The following GPHN variants were observed in gnomAD, a reference collection of about 807,000 sequenced individuals.
GPHN encodes gephyrin.
GPHN carries 17 observed loss-of-function variants against 95.5 expected under a neutral mutation model. That is an observed-to-expected ratio of 0.18 (90% CI 0.12 to 0.27). GPHN has a LOEUF of 0.27. GPHN is among the 10% of genes least tolerant of loss of function. The probability of loss-of-function intolerance (pLI) is 1.00; values close to 1 mark genes in which losing one functional copy is unlikely to be tolerated. For missense variants in GPHN, 660 were observed against 978.1 expected (o/e 0.67, Z 4.34); for synonymous variants, 320 against 322.5 (o/e 0.99, Z 0.08).
intron 5 of GPHN, among the ~76,000 whole-genome samples, chr14:66,887,754 C>A (rs1217536412): frequency 1.3e-5 from 2 of 152,048 alleles, no homozygotes; most frequent in African/African-American, 4.8e-5. Context: ...TTTGAAGAGA[C>A]AAAGCAAGCA....
the GPHN span, among the ~76,000 whole-genome samples, chr14:67,200,734 C>T: frequency 6.6e-6 from 1 of 152,140 alleles, no homozygotes; most frequent in African/African-American, 2.4e-5. Context: ...TGTACTTTAC[C>T]TTATACATAC....
At chr14:67,257,855 T>C in the GPHN span, among the ~76,000 whole-genome samples, 1 of 152,160 alleles carries the variant, frequency 6.6e-6, no homozygotes, top group Non-Finnish European at 1.5e-5. Flanking sequence ...CACATAATTT[T>C]GTGTTACACA....
chr14:66,951,184 C>G (rs1327106597), intron 8 of GPHN, among the ~76,000 whole-genome samples: 1 of 151,998 alleles, frequency 6.6e-6, no homozygotes, highest in Non-Finnish European at 1.5e-5. Context: ...CCTCGGCCTC[C>G]CAAAGTACAG....
At chr14:67,568,572 T>C in the GPHN span, among the ~76,000 whole-genome samples, 1 of 151,954 alleles carries the variant, frequency 6.6e-6, no homozygotes, top group African/African-American at 2.4e-5. Flanking sequence ...AACCTGCACA[T>C]CTTGCATACG....
chr14:67,556,113 A>G, the GPHN span, among the ~76,000 whole-genome samples: 1 of 152,206 alleles, frequency 6.6e-6, no homozygotes, highest in Non-Finnish European at 1.5e-5. Flanking sequence ...TGTGGTAACA[A>G]ATTAAGTCTG....
At chr14:67,657,303 G>C in the GPHN span, 1 of 152,096 alleles carries the variant, frequency 6.6e-6, no homozygotes, top group Non-Finnish European at 1.5e-5. Context: ...TTACCCTCTT[G>C]GTGAGCCCCA....
chr14:67,446,620 C>A, the GPHN span, among the ~76,000 whole-genome samples: 1 of 152,196 alleles, frequency 6.6e-6, no homozygotes, highest in Non-Finnish European at 1.5e-5. Context: ...CACCACCTAC[C>A]CTTCTGATGA....
At chr14:67,406,787 A>T in the GPHN span, among the ~76,000 whole-genome samples, 52 of 152,302 alleles carry the variant, frequency 3.4e-4, no homozygotes, top group Non-Finnish European at 7.2e-4. Flanking sequence ...AAACCACACC[A>T]TGCACAGAGG....
At chr14:67,323,959 A>G in the GPHN span, 4 of 538,250 alleles carry the variant, frequency 7.4e-6, no homozygotes, top group South Asian at 5.3e-5. Flanking sequence ...AAAAATTGCC[A>G]TGGTTGCCAC....
chr14:67,501,148 C>T, the GPHN span, among the ~76,000 whole-genome samples: 1 of 151,700 alleles, frequency 6.6e-6, no homozygotes, highest in Non-Finnish European at 1.5e-5. Context: ...GGCAACAGGT[C>T]CCAACTAGCT....
intron 11 of GPHN, among the ~76,000 whole-genome samples, chr14:67,086,937 C>A (rs2076920408): frequency 6.7e-6 from 1 of 148,622 alleles, no homozygotes; most frequent in African/African-American, 2.5e-5. Context: ...ACTCGGGAGG[C>A]TGAGGCAGGA....
At chr14:66,664,445 A>G (rs1255229488) in intron 1 of GPHN, among the ~76,000 whole-genome samples, 2 of 152,238 alleles carry the variant, frequency 1.3e-5, no homozygotes, top group Non-Finnish European at 2.9e-5. Flanking sequence ...AAGGACAAAG[A>G]TACAATGTAC....
chr14:66,985,787 A>G (rs2153600629), intron 9 of GPHN: 1 of 1,062,490 alleles, frequency 9.4e-7, no homozygotes, highest in Middle Eastern at 2.0e-4. Context: ...TATAGCCTAC[A>G]CTTCTTCCTT....
chr14:67,604,662 C>A, the GPHN span, among the ~76,000 whole-genome samples: 1 of 152,176 alleles, frequency 6.6e-6, no homozygotes, highest in Non-Finnish European at 1.5e-5. Flanking sequence ...AAGCTGTGAT[C>A]AAGCCACTGC....
At chr14:67,692,974 T>C in the GPHN span, 12 of 1,614,002 alleles carry the variant, frequency 7.4e-6, no homozygotes, top group Non-Finnish European at 9.3e-6. Flanking sequence ...TCCCGATACC[T>C]GTATTAGCTC....
the GPHN span, among the ~76,000 whole-genome samples, chr14:67,643,068 G>T: frequency 6.6e-6 from 1 of 152,118 alleles, no homozygotes; most frequent in Non-Finnish European, 1.5e-5. Context: ...CTCCCAAAGT[G>T]CTGGGATTAC....
At chr14:67,340,198 CAAACCT>C in the GPHN span, 1 of 422,586 alleles carries the variant, frequency 2.4e-6, no homozygotes, top group Non-Finnish European at 4.3e-6. Context: ...AAAAAAAAAT[CAAACCT>C]AAACAGTTTC....
At chr14:67,376,649 T>C in the GPHN span, 8 of 1,554,206 alleles carry the variant, frequency 5.1e-6, 1 homozygote, top group South Asian at 9.3e-5. Flanking sequence ...GGCCTGATAT[T>C]TAACAGCATA....
At chr14:67,275,434 G>A in the GPHN span, among the ~76,000 whole-genome samples, 14 of 152,212 alleles carry the variant, frequency 9.2e-5, no homozygotes, top group African/African-American at 1.2e-4. Context: ...ATTGATTTGC[G>A]TATGTTGAAC....
Sources: allele counts gnomAD v4.1 joint callset (sites outside exome capture counted in the v4.1 genomes callset), GRCh38; gene constraint gnomAD v4.1.1; transcripts MANE v1.5; gene names NCBI Gene and HGNC (gene_info 2026-07-23, HGNC 2026-07-21).